The following POFUT3 variants were observed in gnomAD, a reference collection of about 807,000 sequenced individuals.
POFUT3 encodes GDP-fucose protein O-fucosyltransferase 3.
chr8:33,325,766 T>C, the POFUT3 span, among the ~76,000 whole-genome samples: 1 of 152,158 alleles, frequency 6.6e-6, no homozygotes, highest in Admixed American at 6.5e-5. Context: ...CCTTACATGG[T>C]AGGGGCTCTC....
the POFUT3 span, among the ~76,000 whole-genome samples, chr8:33,413,805 A>G: frequency 2.0e-5 from 3 of 152,212 alleles, no homozygotes; most frequent in Non-Finnish European, 4.4e-5. Flanking sequence ...CAATAAAGAT[A>G]CATATACCAT....
the POFUT3 span, among the ~76,000 whole-genome samples, chr8:33,366,082 A>G: frequency 1.3e-5 from 2 of 152,224 alleles, no homozygotes; most frequent in African/African-American, 4.8e-5. Flanking sequence ...CAGCCATAAA[A>G]AAGGATGAGT....
chr8:33,363,343 C>A, the POFUT3 span, among the ~76,000 whole-genome samples: 7 of 152,250 alleles, frequency 4.6e-5, no homozygotes, highest in East Asian at 1.4e-3. Flanking sequence ...GACACCCTAA[C>A]ATCACAATTA....
chr8:33,380,014 AG>A, the POFUT3 span, among the ~76,000 whole-genome samples: 1 of 69,028 alleles, frequency 1.4e-5, no homozygotes, highest in African/African-American at 6.8e-5. Flanking sequence ...CTATATATAT[AG>A]TATATATATA....
At chr8:33,379,995 ATATATATAC>A in the POFUT3 span, among the ~76,000 whole-genome samples, 1 of 88,070 alleles carries the variant, frequency 1.1e-5, no homozygotes, top group Non-Finnish European at 2.0e-5. Flanking sequence ...TATATAGTAT[ATATATATAC>A]TATATATATA....
the POFUT3 span, chr8:33,372,218 A>G: frequency 1.1e-5 from 11 of 1,013,316 alleles, no homozygotes; most frequent in Middle Eastern, 5.0e-4. Context: ...TAAGCTGTTG[A>G]GAGTGAGGTG....
At chr8:33,456,514 C>T in the POFUT3 span, among the ~76,000 whole-genome samples, 19 of 152,010 alleles carry the variant, frequency 1.2e-4, no homozygotes, top group Middle Eastern at 3.4e-3. Flanking sequence ...CAGGCCACCA[C>T]GCCCTGCTAA....
At chr8:33,412,883 C>T in the POFUT3 span, among the ~76,000 whole-genome samples, 1 of 152,194 alleles carries the variant, frequency 6.6e-6, no homozygotes, top group Non-Finnish European at 1.5e-5. Flanking sequence ...CCACCTTGGC[C>T]TCCCCAAGTG....
chr8:33,344,413 A>G, the POFUT3 span, among the ~76,000 whole-genome samples: 2 of 152,200 alleles, frequency 1.3e-5, no homozygotes, highest in African/African-American at 4.8e-5. Flanking sequence ...TAATGAATAT[A>G]TAAAGATTTG....
At chr8:33,362,295 T>C in the POFUT3 span, among the ~76,000 whole-genome samples, 1 of 151,654 alleles carries the variant, frequency 6.6e-6, no homozygotes, top group Non-Finnish European at 1.5e-5. Context: ...AAACAACCCG[T>C]ACAAGCCACG....
chr8:33,357,326 CT>C, the POFUT3 span, among the ~76,000 whole-genome samples: 4 of 152,096 alleles, frequency 2.6e-5, no homozygotes, highest in South Asian at 4.2e-4. Context: ...GAGTGTCTAT[CT>C]TTCCTATCTC....
chr8:33,446,912 C>T, the POFUT3 span, among the ~76,000 whole-genome samples: 1 of 152,200 alleles, frequency 6.6e-6, no homozygotes, highest in South Asian at 2.1e-4. Context: ...CAGGCTCCCT[C>T]CTGGGTGTGC....
the POFUT3 span, among the ~76,000 whole-genome samples, chr8:33,400,130 TA>T: frequency 1.7e-3 from 192 of 114,898 alleles, no homozygotes; most frequent in Admixed American, 2.5e-3. Context: ...TTAAGTTCAT[TA>T]AAAAAAAAAA....
chr8:33,355,985 T>C, the POFUT3 span, among the ~76,000 whole-genome samples: 1 of 152,210 alleles, frequency 6.6e-6, no homozygotes, highest in Admixed American at 6.5e-5. Flanking sequence ...TCCATGTCCC[T>C]ATAAAGGACA....
At chr8:33,341,901 A>T in the POFUT3 span, among the ~76,000 whole-genome samples, 1 of 152,124 alleles carries the variant, frequency 6.6e-6, no homozygotes. Flanking sequence ...TCTACAAAAA[A>T]ATCAAAAAAG....
the POFUT3 span, among the ~76,000 whole-genome samples, chr8:33,367,262 G>A: frequency 2.1e-4 from 32 of 152,234 alleles, no homozygotes; most frequent in East Asian, 1.2e-3. Flanking sequence ...CACCTGGTCC[G>A]CCCAGGGCAG....
the POFUT3 span, chr8:33,461,433 C>T: frequency 6.2e-7 from 1 of 1,613,620 alleles, no homozygotes; most frequent in Non-Finnish European, 8.5e-7. Flanking sequence ...CAAAAGCTTC[C>T]TCCTCTGAAT....
the POFUT3 span, among the ~76,000 whole-genome samples, chr8:33,403,732 T>C: frequency 1.3e-5 from 2 of 152,140 alleles, no homozygotes; most frequent in African/African-American, 4.8e-5. Flanking sequence ...TTAAAAAATT[T>C]TTTAAATAAA....
At chr8:33,406,973 T>G in the POFUT3 span, among the ~76,000 whole-genome samples, 5 of 152,136 alleles carry the variant, frequency 3.3e-5, no homozygotes, top group Admixed American at 6.6e-5. Flanking sequence ...TTCTTTGAAG[T>G]CAAGCATAAA....
Sources: allele counts gnomAD v4.1 joint callset (sites outside exome capture counted in the v4.1 genomes callset), GRCh38; gene constraint gnomAD v4.1.1; transcripts MANE v1.5; gene names NCBI Gene and HGNC (gene_info 2026-07-23, HGNC 2026-07-21).